Variants in RBMS3 observed in about 807,000 individuals in gnomAD.
The protein encoded by RBMS3 is RNA binding motif single stranded interacting protein 3.
In RBMS3, 27 loss-of-function variants were observed where a neutral mutation model predicts 66.8. That is an observed-to-expected ratio of 0.40 (90% confidence interval 0.30 to 0.56). The LOEUF is 0.56. Among genes scored for constraint, RBMS3 ranks in the 20% least tolerant of loss-of-function variants. The pLI is 0.40. For synonymous variants in RBMS3, 188 were observed against 183.0 expected (o/e 1.03, Z -0.22); for missense variants, 513 against 549.5 (o/e 0.93, Z 0.66).
intron 14 of RBMS3, among the ~76,000 whole-genome samples, chr3:29,995,934 A>G (rs887493230): frequency 9.3e-5 from 14 of 151,244 alleles, no homozygotes; most frequent in African/African-American, 3.4e-4. Context: ...CTTTAAATGT[A>G]AATGGACTAA....
chr3:29,683,087 G>A (rs562502845), intron 4 of RBMS3, among the ~76,000 whole-genome samples: 1 of 152,130 alleles, frequency 6.6e-6, no homozygotes, highest in African/African-American at 2.4e-5. Flanking sequence ...ATGGTGGGGT[G>A]AAAAATCAAG....
chr3:29,664,486 CA>C (rs973737523), intron 4 of RBMS3, among the ~76,000 whole-genome samples: 1 of 151,096 alleles, frequency 6.6e-6, no homozygotes, highest in Non-Finnish European at 1.5e-5. Flanking sequence ...GACTCTGTCT[CA>C]AAAAAAAGTA....
intron 4 of RBMS3, among the ~76,000 whole-genome samples, chr3:29,620,804 A>G (rs767875086): frequency 3.9e-5 from 6 of 152,244 alleles, no homozygotes; most frequent in Non-Finnish European, 8.8e-5. Flanking sequence ...TTTTTCAGCA[A>G]TCTAAATTTA....
chr3:29,418,989 T>C (rs2040591898), intron 1 of RBMS3, among the ~76,000 whole-genome samples: 1 of 152,192 alleles, frequency 6.6e-6, no homozygotes, highest in Non-Finnish European at 1.5e-5. Context: ...TTGTGATACT[T>C]AAAACTGTCA....
chr3:29,671,788 A>T (rs1049590617), intron 4 of RBMS3, among the ~76,000 whole-genome samples: 3 of 152,348 alleles, frequency 2.0e-5, no homozygotes, highest in African/African-American at 7.2e-5. Flanking sequence ...CTATGTGAAG[A>T]GACCAAATCT....
chr3:29,372,872 C>A (rs1575645421), intron 1 of RBMS3, among the ~76,000 whole-genome samples: 1 of 147,620 alleles, frequency 6.8e-6, no homozygotes. Context: ...TGTGATGTTT[C>A]AGTGAGAGAG....
At chr3:29,898,993 A>T (rs2060191281) in intron 9 of RBMS3, among the ~76,000 whole-genome samples, 1 of 151,460 alleles carries the variant, frequency 6.6e-6, no homozygotes. Context: ...TTCAATCCAA[A>T]GTGTTTTGGC....
intron 4 of RBMS3, among the ~76,000 whole-genome samples, chr3:29,723,484 T>A (rs1002290640): frequency 1.6e-4 from 24 of 152,236 alleles, no homozygotes; most frequent in Non-Finnish European, 3.4e-4. Context: ...TTATCATATG[T>A]GTTAAAATCA....
intron 6 of RBMS3, among the ~76,000 whole-genome samples, chr3:29,820,174 G>A (rs2058035854): frequency 1.1e-5 from 1 of 89,966 alleles, no homozygotes; most frequent in Non-Finnish European, 2.1e-5. Flanking sequence ...GGGTAACAGA[G>A]TGAGACTTCT....
intron 3 of RBMS3, among the ~76,000 whole-genome samples, chr3:29,564,179 C>T (rs1164597630): frequency 6.6e-6 from 1 of 151,920 alleles, no homozygotes; most frequent in Non-Finnish European, 1.5e-5. Flanking sequence ...ATCTATATTA[C>T]AATAAATTTT....
chr3:29,849,966 C>G (rs1189739011), intron 6 of RBMS3, among the ~76,000 whole-genome samples: 1 of 152,186 alleles, frequency 6.6e-6, no homozygotes, highest in Non-Finnish European at 1.5e-5. Context: ...TTCTTTCTTT[C>G]TTTACAAAGA....
chr3:29,509,069 T>A (rs997986583), intron 3 of RBMS3, among the ~76,000 whole-genome samples: 1 of 151,940 alleles, frequency 6.6e-6, no homozygotes, highest in Non-Finnish European at 1.5e-5. Flanking sequence ...GTAAGTTTGT[T>A]TAAGTTCTTT....
chr3:29,775,269 T>G (rs561446071), intron 6 of RBMS3, among the ~76,000 whole-genome samples: 1 of 150,762 alleles, frequency 6.6e-6, no homozygotes, highest in Non-Finnish European at 1.5e-5. Context: ...TTATTTATTT[T>G]TTTTTTTTGG....
At position 29,696,717 on chromosome 3, in the gene RBMS3, G is replaced by A. The variant is rs538863849; in HGVS notation, c.400-43003G>A. ...GAGCAGATGCTTCTGGGGAGGTTCA[G>A]GAGCACGTGAAGAAACAACACTGAT... On this transcript the variant is annotated intron_variant, in intron 4 of 14. Coordinates refer to ENST00000383767, the MANE Select transcript of RBMS3 (RefSeq NM_001003793.3). Among the ~76,000 whole-genome samples, 343 of 152,268 alleles carry A rather than the reference G, an allele frequency of 2.3e-3. 2 individuals are homozygous for A. Among genetic ancestry groups the A allele is most frequent in the African/African-American group, 7.8e-3 (324 of 41,544 alleles).
intron 3 of RBMS3, among the ~76,000 whole-genome samples, chr3:29,532,615 C>T (rs774959357): frequency 6.6e-6 from 1 of 151,970 alleles, no homozygotes; most frequent in South Asian, 2.1e-4. Context: ...CCTGTATCGT[C>T]GCTACTCAGG....
At chr3:29,981,920 G>T (rs946293608) in intron 12 of RBMS3, among the ~76,000 whole-genome samples, 2 of 152,080 alleles carry the variant, frequency 1.3e-5, no homozygotes, top group African/African-American at 4.8e-5. Flanking sequence ...TTTTGGTATC[G>T]GGGTGATGCC....
chr3:29,701,629 G>C (rs1253661314), intron 4 of RBMS3, among the ~76,000 whole-genome samples: 7 of 152,076 alleles, frequency 4.6e-5, no homozygotes. Flanking sequence ...GGCCCTGTGT[G>C]AGTTCTGGGT....
intron 14 of RBMS3, among the ~76,000 whole-genome samples, chr3:29,994,801 G>A (rs1248916361): frequency 6.6e-6 from 1 of 152,308 alleles, no homozygotes; most frequent in East Asian, 1.9e-4. Flanking sequence ...ACCAAAAGTA[G>A]ATAAAACCAC....
At chr3:29,294,643 C>T (rs991110992) in intron 1 of RBMS3, among the ~76,000 whole-genome samples, 42 of 151,698 alleles carry the variant, frequency 2.8e-4, no homozygotes, top group African/African-American at 9.9e-4. Context: ...GGCAATTCCT[C>T]AGCAATTGCC....
Sources: gnomAD v4.1 joint callset for allele counts (sites outside exome capture counted in the v4.1 genomes callset) on GRCh38, gnomAD v4.1.1 for gene constraint, MANE v1.5 for transcripts, NCBI Gene and HGNC (gene_info 2026-07-23, HGNC 2026-07-21) for gene names.